ABHD2: variants seen among roughly 807,000 people sequenced by gnomAD.
ABHD2 encodes the protein monoacylglycerol lipase ABHD2.
In ABHD2, 20 loss-of-function variants were observed where a neutral mutation model predicts 48.1. The ratio of observed to expected loss-of-function variants is 0.42; its 90% CI spans 0.29 to 0.60. The LOEUF is 0.60. Ranked by LOEUF, ABHD2 falls within the 20% of genes least tolerant of loss-of-function variation. The pLI is 0.24. For synonymous variants in ABHD2, 209 were observed against 214.2 expected, an observed-to-expected ratio of 0.98 and a Z score of 0.21; for missense variants, 405 against 550.9, an observed-to-expected ratio of 0.74 and a Z score of 2.65.
chr15:89,157,802 C>A (rs971002220), intron 5 of ABHD2, among the ~76,000 whole-genome samples: 2 of 151,834 alleles, frequency 1.3e-5, no homozygotes, highest in Non-Finnish European at 2.9e-5. Flanking sequence ...GAGATCGCGC[C>A]ACTGCACTCC....
At chr15:89,078,745 T>G in the ABHD2 span, among the ~76,000 whole-genome samples, 1 of 151,758 alleles carries the variant, frequency 6.6e-6, no homozygotes, top group Non-Finnish European at 1.5e-5. Flanking sequence ...TTCTTTTTTT[T>G]TTTCTTGTGA....
At chr15:89,129,811 G>A (rs1322290280) in intron 3 of ABHD2, among the ~76,000 whole-genome samples, 5 of 151,768 alleles carry the variant, frequency 3.3e-5, no homozygotes, top group Non-Finnish European at 5.9e-5. Context: ...AAAAAGAACA[G>A]CATGTAAGAT....
At chr15:89,136,491 C>G (rs756401202) in intron 3 of ABHD2, 2 of 401,704 alleles carry the variant, frequency 5.0e-6, no homozygotes, top group Non-Finnish European at 9.8e-6. Flanking sequence ...GTCTCCTTTG[C>G]CCATGTTTAG....
At chr15:89,112,520 C>T (rs1418679836) in intron 1 of ABHD2, among the ~76,000 whole-genome samples, 1 of 152,170 alleles carries the variant, frequency 6.6e-6, no homozygotes, top group Non-Finnish European at 1.5e-5. Context: ...ACTAATTTGT[C>T]TCAGAATAGG....
intron 3 of ABHD2, among the ~76,000 whole-genome samples, chr15:89,131,399 A>G (rs2050217414): frequency 6.6e-6 from 1 of 152,136 alleles, no homozygotes; most frequent in African/African-American, 2.4e-5. Context: ...TGCTTTCTGG[A>G]CATTTATGGT....
At chr15:89,130,010 CTAGA>C (rs1367970273) in intron 3 of ABHD2, among the ~76,000 whole-genome samples, 14 of 152,094 alleles carry the variant, frequency 9.2e-5, no homozygotes, top group Admixed American at 9.2e-4. Context: ...AAAGATGTGC[CTAGA>C]TAAATTCCAC....
chr15:89,057,328 C>G, the ABHD2 span, among the ~76,000 whole-genome samples: 2 of 152,184 alleles, frequency 1.3e-5, no homozygotes, highest in Non-Finnish European at 2.9e-5. Flanking sequence ...CTCTTCTAAG[C>G]TGCTCATAGC....
At chr15:89,101,410 G>C (rs558122726) in intron 1 of ABHD2, among the ~76,000 whole-genome samples, 3 of 152,204 alleles carry the variant, frequency 2.0e-5, no homozygotes, top group South Asian at 4.1e-4. Flanking sequence ...CTGATGTACA[G>C]TGGCGTGGCA....
chr15:89,115,500 T>C (rs2049944906), intron 2 of ABHD2, among the ~76,000 whole-genome samples: 1 of 151,970 alleles, frequency 6.6e-6, no homozygotes, highest in African/African-American at 2.4e-5. Context: ...CAGATGAGCA[T>C]ATACATTTTC....
At chr15:89,109,002 C>G (rs1025888088) in intron 1 of ABHD2, among the ~76,000 whole-genome samples, 3 of 152,112 alleles carry the variant, frequency 2.0e-5, no homozygotes, top group Admixed American at 2.0e-4. Context: ...GCCTTTAGGG[C>G]CCAAAAAGAT....
chr15:89,144,290 T>A (rs2050456117), intron 3 of ABHD2, among the ~76,000 whole-genome samples: 2 of 152,138 alleles, frequency 1.3e-5, no homozygotes, highest in African/African-American at 4.8e-5. Flanking sequence ...TGTGCCACCA[T>A]GCCTGGCTAA....
rs150726393 is a variant in ABHD2 at position 89,170,931 on chromosome 15, C to A, written c.539-4881C>A. Among the ~76,000 whole-genome samples the A allele has an allele frequency of 6.0e-3, 907 of 152,126 alleles. 6 individuals carry two copies. The highest frequency in any genetic ancestry group is 0.021 in the African/African-American group (851 of 41,512). On this transcript the variant is annotated intron_variant, in intron 5 of 10. Coordinates refer to ENST00000352732, the MANE Select transcript of ABHD2 (RefSeq NM_152924.5). ...AGGAGTTCAAGACCAGCCTGGCCAA[C>A]ATGGTGAAGCCCCGCCTCTACTAAA...
Position 89,175,563 on chromosome 15 carries a change from G to A in ABHD2, c.539-249G>A, listed in dbSNP as rs574391044. Among the ~76,000 whole-genome samples the A allele has an allele frequency of 3.9e-5, 6 of 152,080 alleles. No individual in the cohort carries two copies. The highest frequency in any genetic ancestry group is 1.9e-4 in the East Asian group (1 of 5,192). ...TACATTTGATACATGGTACCTCCAC[G>A]CTTTGGCACTGCTGAGGCCCTGTTT... On this transcript the variant is annotated intron_variant, in intron 5 of 10. Transcript: ENST00000352732. The surrounding 1 kb of genome is among the most constrained non-coding windows in gnomAD (Gnocchi z 5.7).
intron 3 of ABHD2, among the ~76,000 whole-genome samples, chr15:89,140,724 T>C (rs1293786184): frequency 6.6e-6 from 1 of 152,202 alleles, no homozygotes; most frequent in Non-Finnish European, 1.5e-5. Context: ...CCAGGGCCTG[T>C]GTGTCTCTCC....
intron 3 of ABHD2, chr15:89,135,403 A>G (rs1335831684): frequency 5.1e-6 from 3 of 586,762 alleles, no homozygotes; most frequent in Non-Finnish European, 6.0e-6. Context: ...TGTGTTAACT[A>G]TACAAAAAAA....
In ABHD2 at chr15:89,149,572, C is replaced by T. The variant is rs143009981; in HGVS notation, c.195-2105C>T. Among the ~76,000 whole-genome samples the T allele has an allele frequency of 1.4e-3, 206 of 152,156 alleles. 1 individual carries two copies. The highest frequency in any genetic ancestry group is 4.0e-3 in the African/African-American group (164 of 41,502). On this transcript the variant is annotated intron_variant, in intron 3 of 10. Transcript: ENST00000352732. Reference sequence around the variant, plus strand: ...TAATCAAGTCACCTGGATGTTAGGACGGAGCTGTGCATGGAGAAGGGGCAA... The same window carrying T: ...TAATCAAGTCACCTGGATGTTAGGATGGAGCTGTGCATGGAGAAGGGGCAA...
At position 89,188,234 on chromosome 15, in the gene ABHD2, T is replaced by C. The variant is rs1371721793; in HGVS notation, c.857T>C (p.Leu286Pro). 2 of 1,614,188 alleles carry C rather than the reference T, an allele frequency of 1.2e-6. No individual in the cohort carries two copies. Among genetic ancestry groups the C allele is most frequent in the Non-Finnish European group, 1.7e-6 (2 of 1,180,028 alleles). ...FGDHVKKPQS[L>P]EDTDLSRLYT... is the part of the protein sequence containing the mutation. ...GACCATGTTAAGAAACCCCAGAGCC[T>C]GGAAGACACGGACTTGAGCCGGCTC... Residue 286 changes from leucine to proline, a missense_variant, in exon 8 of 11, where the codon CTG becomes CCG. Transcript: ENST00000352732. This position sits in a 1 kb window ranked among gnomAD's most constrained non-coding sequence, Gnocchi z 4.1.
At position 89,200,433 on chromosome 15, in the gene ABHD2, G is replaced by C. The variant is rs1342748751; in HGVS notation, c.*5010G>C. On this transcript the variant is annotated 3_prime_UTR_variant, in exon 11 of 11. Transcript: ENST00000352732. ...CGCTCCTCACTTCCCAGATGGGGCG[G>C]CTCCCGGGAAGCGGGGCTCCTCACT... The C allele has an allele frequency of 6.6e-6, 1 of 150,758 alleles. No homozygotes were observed. The highest frequency in any genetic ancestry group is 1.5e-5 in the Non-Finnish European group (1 of 68,108). 9.3% of individuals were successfully genotyped at this position (150,758 alleles called of 1,614,324 possible).
At chr15:89,123,893 C>T (rs1409102710) in intron 3 of ABHD2, among the ~76,000 whole-genome samples, 3 of 152,186 alleles carry the variant, frequency 2.0e-5, no homozygotes, top group Non-Finnish European at 2.9e-5. Flanking sequence ...TAGGTGTGAG[C>T]CACCACACCC....
Sources: gnomAD v4.1 joint callset for allele counts (sites outside exome capture counted in the v4.1 genomes callset) on GRCh38, gnomAD v4.1.1 for gene constraint, Gnocchi (gnomAD v3.1) non-coding constraint, MANE v1.5 for transcripts, NCBI Gene and HGNC (gene_info 2026-07-23, HGNC 2026-07-21) for gene names.